Variants in ARHGEF26 observed in about 807,000 individuals in gnomAD.
ARHGEF26 encodes Rho guanine nucleotide exchange factor (GEF) 26.
In ARHGEF26, 59 loss-of-function variants were observed where a neutral mutation model predicts 89.4. The observed-to-expected ratio is 0.66, with a 90% CI of 0.54 to 0.82. The LOEUF is 0.82. ARHGEF26 is among the 40% of genes least tolerant of loss of function. The pLI, the probability that ARHGEF26 is intolerant of heterozygous loss-of-function variation, is 0.00. For synonymous variants in ARHGEF26, 500 were observed against 428.4 expected (o/e 1.17, Z -2.06); for missense variants, 1,234 against 1,085.6 (o/e 1.14, Z -1.92).
At chr3:154,149,318 C>G in intron 4 of ARHGEF26, 71 bp from the exon 5 acceptor site, 1 of 1,258,920 alleles carries the variant, frequency 7.9e-7, no homozygotes, top group Non-Finnish European at 1.1e-6. Context: ...TAGAGTTATG[C>G]CTTGAATAAT....
chr3:154,159,822 T>C (rs1310011025), intron 6 of ARHGEF26, among the ~76,000 whole-genome samples: 3 of 152,152 alleles, frequency 2.0e-5, no homozygotes, highest in Non-Finnish European at 4.4e-5. Flanking sequence ...CTTTCCTGAC[T>C]AATTCTTAAA....
At chr3:154,194,529 C>T (rs374954041) in intron 8 of ARHGEF26, 115 bp from the exon 9 acceptor site, 11 of 704,646 alleles carry the variant, frequency 1.6e-5, no homozygotes, top group Non-Finnish European at 1.9e-5. Context: ...CATACTCATC[C>T]GTAATATCGT....
chr3:154,193,627 T>C (rs1020909457), intron 8 of ARHGEF26, among the ~76,000 whole-genome samples: 1 of 152,198 alleles, frequency 6.6e-6, no homozygotes, highest in African/African-American at 2.4e-5. Flanking sequence ...ATTTGGAAAT[T>C]CAGTTAAGCT....
In ARHGEF26 at chr3:154,122,267, C is replaced by T. The variant is rs763411130; in HGVS notation, c.275C>T (p.Ala92Val). The T allele has an allele frequency of 9.3e-6, 15 of 1,612,424 alleles. No homozygotes were observed. In the East Asian group the frequency reaches 3.1e-4, roughly 34 times the overall value. ...CTGGGCGCCCAGCGGAGAGCGGTGGCCAATGGTGGGACGGCATCCCCGGAG... is the reference window on the plus strand; with the variant it reads ...CTGGGCGCCCAGCGGAGAGCGGTGGTCAATGGTGGGACGGCATCCCCGGAG... Reference protein sequence around the residue: ...LLLGAQRRAVANGGTASPEYR... With the variant: ...LLLGAQRRAVVNGGTASPEYR... The change falls in exon 2 of 15, where the codon GCC becomes GTC. Residue 92 changes from alanine to valine, a missense_variant. Coordinates refer to ENST00000465093, the MANE Select transcript of ARHGEF26 (RefSeq NM_015595.4).
At chr3:154,192,940 G>A (rs1714040454) in intron 8 of ARHGEF26, among the ~76,000 whole-genome samples, 1 of 152,066 alleles carries the variant, frequency 6.6e-6, no homozygotes, top group Non-Finnish European at 1.5e-5. Context: ...CTTTAAATTT[G>A]AGAAAATTAC....
rs751175100 is a variant in ARHGEF26, at chr3:154,194,674, C to T, written c.1801C>T (p.Pro601Ser). The T allele has an allele frequency of 6.2e-7, 1 of 1,612,768 alleles. No homozygotes were observed. Among genetic ancestry groups the T allele is most frequent in the Non-Finnish European group, 8.5e-7 (1 of 1,179,450 alleles). ...CTGTCAAAAAACACCTAAGGACTCT[C>T]CGAAGTATGAAGTCTGCAAAAGAGC... is the stretch of plus-strand genomic sequence containing the variant. ...TICQKTPKDS[P>S]KYEVCKRALK... Residue 601 changes from proline to serine, a missense_variant, in exon 9 of 15, where the codon CCG (proline) becomes TCG (serine). Transcript: ENST00000465093.
At chr3:154,254,883 C>A in intron 14 of ARHGEF26, 59 bp downstream of exon 14, 1 of 1,391,176 alleles carries the variant, frequency 7.2e-7, no homozygotes, top group Admixed American at 1.8e-5. Flanking sequence ...GCTATAGACC[C>A]GAGGAGTGTC....
chr3:154,168,569 T>G (rs1000384434), intron 6 of ARHGEF26, among the ~76,000 whole-genome samples: 1 of 152,166 alleles, frequency 6.6e-6, no homozygotes, highest in African/African-American at 2.4e-5. Flanking sequence ...AGAGACTCTC[T>G]GTGTCTTAAA....
intron 6 of ARHGEF26, among the ~76,000 whole-genome samples, chr3:154,181,824 T>C (rs931635745): frequency 1.3e-5 from 2 of 152,214 alleles, no homozygotes; most frequent in African/African-American, 2.4e-5. Context: ...TGTTGACTTA[T>C]CAGTGATAAA....
intron 7 of ARHGEF26, among the ~76,000 whole-genome samples, chr3:154,189,147 CA>C (rs1023093707): frequency 6.6e-6 from 1 of 152,070 alleles, no homozygotes; most frequent in African/African-American, 2.4e-5. Flanking sequence ...TGTCTGAAAA[CA>C]AAGCCTTGAA....
In ARHGEF26 at chr3:154,256,950, A is replaced by C. The variant is rs910802075; in HGVS notation, c.*1477A>C. 4.6e-6 allele frequency: 7 copies of C among 1,533,416 alleles called. No individual in the cohort carries two copies. In the African/African-American group the frequency reaches 9.6e-5, roughly 21 times the overall value. 95.0% of individuals were successfully genotyped at this position (1,533,416 alleles called of 1,614,324 possible). A position where few individuals can be genotyped will look rare whatever the true frequency, so the allele number is the denominator to read the frequency against. ...GATTAAGAGGGGGGAAATGATTTTTACTGGCAGCTATATTCCCTCTCTGTT... is the reference window on the plus strand; with the variant it reads ...GATTAAGAGGGGGGAAATGATTTTTCCTGGCAGCTATATTCCCTCTCTGTT... On this transcript the variant is annotated 3_prime_UTR_variant, in exon 15 of 15. Transcript: ENST00000465093.
At chr3:154,203,077 A>C (rs144725628) in intron 9 of ARHGEF26, among the ~76,000 whole-genome samples, 2,789 of 152,214 alleles carry the variant, frequency 0.018, 77 homozygotes, top group East Asian at 0.12. Flanking sequence ...GTCTTGTGCC[A>C]GTTTTCAAAA....
At chr3:154,178,654 G>A (rs1258987447) in intron 6 of ARHGEF26, among the ~76,000 whole-genome samples, 1 of 152,092 alleles carries the variant, frequency 6.6e-6, no homozygotes, top group Non-Finnish European at 1.5e-5. Context: ...TGGATATTGG[G>A]TTCTTTTTTA....
At chr3:154,145,981 A>T (rs978739161) in intron 4 of ARHGEF26, among the ~76,000 whole-genome samples, 1 of 152,104 alleles carries the variant, frequency 6.6e-6, no homozygotes, top group Non-Finnish European at 1.5e-5. Flanking sequence ...TAATGGACTC[A>T]CGGTCTAAAG....
chr3:154,201,093 G>A (rs1714601888), intron 9 of ARHGEF26, among the ~76,000 whole-genome samples: 12 of 151,958 alleles, frequency 7.9e-5, no homozygotes, highest in Admixed American at 7.9e-4. Flanking sequence ...ATGTTGGTGT[G>A]CTGCACCCAT....
chr3:154,205,671 TATC>T (rs1489865356), intron 9 of ARHGEF26, among the ~76,000 whole-genome samples: 2 of 152,162 alleles, frequency 1.3e-5, no homozygotes, highest in African/African-American at 4.8e-5. Context: ...TGTTTAAGGT[TATC>T]ATGAGGCTTG....
chr3:154,236,146 A>G (rs1717116425), intron 11 of ARHGEF26, among the ~76,000 whole-genome samples: 1 of 152,214 alleles, frequency 6.6e-6, no homozygotes, highest in South Asian at 2.1e-4. Flanking sequence ...TTAACAAAGA[A>G]TGCCCTCCAG....
At position 154,222,999 on chromosome 3, in the gene ARHGEF26, T is replaced by A. The variant is rs114489967; in HGVS notation, c.1936-2857T>A. On this transcript the variant is annotated intron_variant, in intron 10 of 14. Coordinates refer to ENST00000465093, the MANE Select transcript of ARHGEF26 (RefSeq NM_015595.4). ...GAAGATCGAAAACCAGAGATTAGTTTGTGTCTCAAATCCAGTGTTTTTTCT... is the reference window on the plus strand; with the variant it reads ...GAAGATCGAAAACCAGAGATTAGTTAGTGTCTCAAATCCAGTGTTTTTTCT... 8.0e-3 allele frequency among the ~76,000 whole-genome samples: 1,222 copies of A among 152,328 alleles called. 16 individuals are homozygous for A. Among genetic ancestry groups the A allele is most frequent in the African/African-American group, 0.028 (1,167 of 41,568 alleles).
chr3:154,204,277 G>A (rs1714859552), intron 9 of ARHGEF26, among the ~76,000 whole-genome samples: 1 of 141,264 alleles, frequency 7.1e-6, no homozygotes, highest in African/African-American at 2.7e-5. Flanking sequence ...TTTATTATTT[G>A]TTTTCTACCA....
Sources: gnomAD v4.1 joint callset for allele counts (sites outside exome capture counted in the v4.1 genomes callset) on GRCh38, gnomAD v4.1.1 for gene constraint, MANE v1.5 for transcripts, NCBI Gene and HGNC (gene_info 2026-07-23, HGNC 2026-07-21) for gene names.